The following PSENEN variants were observed in gnomAD, a reference collection of about 807,000 sequenced individuals.
The protein encoded by PSENEN is gamma-secretase subunit PEN-2.
In PSENEN, 4 loss-of-function variants were observed where a neutral mutation model predicts 15.4. That is an observed-to-expected ratio of 0.26 (90% CI 0.13 to 0.59). The LOEUF is 0.59. Ranked by LOEUF, PSENEN falls within the 20% of genes least tolerant of loss-of-function variation. The pLI is 0.89. For missense variants in PSENEN, 112 were observed against 120.3 expected (o/e 0.93, Z 0.32); for synonymous variants, 42 against 46.5 (o/e 0.90, Z 0.39).
rs1198645071 is a variant in PSENEN, at chr19:35,747,404, C to T, written c.*557C>T. Reference sequence around the variant, plus strand: ...GTATTCTCATCAGAAGTGTAGATCACGATGCTACTTCCTGGGATTTATCTG... The same window carrying T: ...GTATTCTCATCAGAAGTGTAGATCATGATGCTACTTCCTGGGATTTATCTG... On this transcript the variant is annotated 3_prime_UTR_variant, in exon 4 of 4. Coordinates refer to ENST00000587708, the MANE Select transcript of PSENEN (RefSeq NM_172341.4). 6.6e-6 allele frequency: 1 copy of T among 151,686 alleles called. No individual in the cohort carries two copies. Among genetic ancestry groups the T allele is most frequent in the Non-Finnish European group, 1.5e-5 (1 of 67,934 alleles). The allele number at this position is 151,686 out of a possible 1,614,324, so 9.4% of individuals were successfully genotyped here.
chr19:35,746,812 T>C lies in PSENEN; in HGVS notation c.271T>C (p.Tyr91His). The C allele has an allele frequency of 6.2e-7, 1 of 1,614,012 alleles. No individual in the cohort carries two copies. The highest frequency in any genetic ancestry group is 8.5e-7 in the Non-Finnish European group (1 of 1,179,960). The stretch of plus-strand genomic sequence containing the variant: ...GCCCCGCTGGGGTGCCCTTGGGGAC[T>C]ACCTCTCCTTCACCATACCCCTGGG... ...YRPRWGALGD[Y>H]LSFTIPLGTP The change falls in exon 4 of 4, where the codon TAC becomes CAC. Residue 91 changes from tyrosine to histidine, a missense_variant. Transcript: ENST00000587708.
chr19:35,746,039 G>C (rs746100064), intron 2 of PSENEN, 48 bp downstream of exon 2: 1 of 1,591,488 alleles, frequency 6.3e-7, no homozygotes, highest in South Asian at 1.1e-5. Flanking sequence ...GACTGGACTA[G>C]AGCACCCGAG....
chr19:35,747,100 G>C lies in PSENEN; in HGVS notation c.*253G>C. 2.4e-6 allele frequency: 1 copy of C among 424,088 alleles called. No individual in the cohort carries two copies. The highest frequency in any genetic ancestry group is 4.2e-6 in the Non-Finnish European group (1 of 239,152). 26.3% of individuals were successfully genotyped at this position (424,088 alleles called of 1,614,324 possible). On this transcript the variant is annotated 3_prime_UTR_variant, in exon 4 of 4. Transcript: ENST00000587708. ...AGCTTTGTACGAGGCTTAGTATTTA[G>C]ACATGATGTACATTTTTTACAGTGC...
rs1220150302 is a variant in PSENEN at position 35,745,967 on chromosome 19, A to G, written c.37A>G (p.Asn13Asp). The change falls in exon 2 of 4, where the codon AAC becomes GAC. Residue 13 changes from asparagine to aspartate, a missense_variant. By Grantham distance (23) the Asn-to-Asp change is conservative. Transcript: ENST00000587708. ...GCGAGTGTCCAATGAGGAGAAATTG[A>G]ACCTGTGCCGGAAGTACTACCTGGG... ...LERVSNEEKL[N>D]LCRKYYLGGF... is the part of the protein sequence containing the mutation. 1.2e-6 allele frequency: 2 copies of G among 1,614,110 alleles called. No homozygotes were observed. The highest frequency in any genetic ancestry group is 1.7e-6 in the Non-Finnish European group (2 of 1,180,028).
At chr19:35,746,603 G>A (rs1239271364) in intron 3 of PSENEN, 80 bp downstream of exon 3, 3 of 1,606,916 alleles carry the variant, frequency 1.9e-6, no homozygotes, top group Non-Finnish European at 2.6e-6. Context: ...AGGGACAATG[G>A]AGGATCCAAA....
In PSENEN at chr19:35,747,076, G is replaced by A; in HGVS notation, c.*229G>A. ...TAATATTTAAAAACATCTGTTGAGA[G>A]CTTTGTACGAGGCTTAGTATTTAGA... On this transcript the variant is annotated 3_prime_UTR_variant, in exon 4 of 4. Coordinates refer to ENST00000587708, the MANE Select transcript of PSENEN (RefSeq NM_172341.4). 1 of 500,808 alleles carries A rather than the reference G, an allele frequency of 2.0e-6. No homozygotes were observed. The highest frequency in any genetic ancestry group is 2.9e-5 in the South Asian group (1 of 34,554). The allele number at this position is 500,808 out of a possible 1,614,324, so 31.0% of individuals were successfully genotyped here.
Position 35,746,860 on chromosome 19 carries a change from A to G in PSENEN, c.*13A>G, listed in dbSNP as rs1970592117. 4 of 1,613,390 alleles carry G rather than the reference A, an allele frequency of 2.5e-6. No homozygotes were observed. The highest frequency in any genetic ancestry group is 3.4e-6 in the Non-Finnish European group (4 of 1,179,732). On this transcript the variant is annotated 3_prime_UTR_variant, in exon 4 of 4. Transcript: ENST00000587708. ...GGGCACCCCCTGACAACTTCTGCAC[A>G]TACTGGGGCCCTGCTTATTCTCCCA...
intron 3 of PSENEN, 51 bp downstream of exon 3, chr19:35,746,574 GC>G (rs1288829357): frequency 6.2e-7 from 1 of 1,601,124 alleles, no homozygotes; most frequent in Non-Finnish European, 8.6e-7. Flanking sequence ...AGAGGGGGAA[GC>G]GGGGAATCTT....
Position 35,745,937 on chromosome 19 carries a change from C to T in PSENEN, c.7C>T (p.Leu3=). The change falls in exon 2 of 4, where the codon CTG becomes TTG. Residue 3 remains leucine (L), a synonymous_variant. Transcript: ENST00000587708. The part of the protein sequence containing the change: MN[L]ERVSNEEKLN... ...ACCCGGCCCCAGCGCAGCTATGAACCTGGAGCGAGTGTCCAATGAGGAGAA... is the reference window on the plus strand; with the variant it reads ...ACCCGGCCCCAGCGCAGCTATGAACTTGGAGCGAGTGTCCAATGAGGAGAA... 6.2e-7 allele frequency: 1 copy of T among 1,614,124 alleles called. No individual in the cohort carries two copies. Among genetic ancestry groups the T allele is most frequent in the Non-Finnish European group, 8.5e-7 (1 of 1,180,022 alleles).
At chr19:35,746,393 G>T in intron 2 of PSENEN, 26 bp from the exon 3 acceptor site, 1 of 1,574,736 alleles carries the variant, frequency 6.4e-7, no homozygotes, top group Non-Finnish European at 8.7e-7. Flanking sequence ...TTTGGGGTTT[G>T]TTTGTTTGTT....
rs200976064 is a variant in PSENEN at position 35,745,685 on chromosome 19, G to C, written c.-112G>C. The stretch of plus-strand genomic sequence containing the variant: ...AGTAGCTAAGGCACCCCAGCCGGAG[G>C]AAGTGAGCTCTCCTGGTGAGTTGGG... On this transcript the variant is annotated 5_prime_UTR_variant, in exon 1 of 4. Coordinates refer to ENST00000587708, the MANE Select transcript of PSENEN (RefSeq NM_172341.4). 4 of 617,586 alleles carry C rather than the reference G, an allele frequency of 6.5e-6. No individual in the cohort carries two copies. Among genetic ancestry groups the C allele is most frequent in the Non-Finnish European group, 1.1e-5 (4 of 350,036 alleles). 38.3% of individuals were successfully genotyped at this position (617,586 alleles called of 1,614,324 possible).
rs1046667749 is a variant in PSENEN at position 35,747,394 on chromosome 19, G to A, written c.*547G>A. 1.2e-4 allele frequency: 19 copies of A among 152,078 alleles called. No homozygotes were observed. Among genetic ancestry groups the A allele is most frequent in the African/African-American group, 3.9e-4 (16 of 41,350 alleles). The allele number at this position is 152,078 out of a possible 1,614,324, so 9.4% of individuals were successfully genotyped here. On this transcript the variant is annotated 3_prime_UTR_variant, in exon 4 of 4. Coordinates refer to ENST00000587708, the MANE Select transcript of PSENEN (RefSeq NM_172341.4). ...GTGGGCTGCAGTATTCTCATCAGAAGTGTAGATCACGATGCTACTTCCTGG... is the reference window on the plus strand; with the variant it reads ...GTGGGCTGCAGTATTCTCATCAGAAATGTAGATCACGATGCTACTTCCTGG...
In PSENEN at chr19:35,747,226, CTTT is replaced by C. The variant is rs36096387; in HGVS notation, c.*395_*397del. On this transcript the variant is annotated 3_prime_UTR_variant, in exon 4 of 4. Transcript: ENST00000587708. ...GTGCTTCCATTTCTTTTTCTTTTTTCTTTTTTTTTTTTTTTTTTGAGACAGAGT... is the reference window on the plus strand; with the variant it reads ...GTGCTTCCATTTCTTTTTCTTTTTTCTTTTTTTTTTTTTTTGAGACAGAGT... 90 of 128,506 alleles carry C rather than the reference CTTT, an allele frequency of 7.0e-4. No homozygotes were observed. Among genetic ancestry groups the C allele is most frequent in the South Asian group, 4.0e-3 (18 of 4,490 alleles). 8.0% of individuals were successfully genotyped at this position (128,506 alleles called of 1,614,324 possible). A position where few individuals can be genotyped will look rare whatever the true frequency, so the allele number is the denominator to read the frequency against.
In PSENEN at chr19:35,747,493, A is replaced by G. The variant is rs1375983734; in HGVS notation, c.*646A>G. The G allele has an allele frequency of 6.6e-6, 1 of 152,182 alleles. No individual in the cohort carries two copies. The highest frequency in any genetic ancestry group is 1.5e-5 in the Non-Finnish European group (1 of 68,040). The allele number at this position is 152,182 out of a possible 1,614,324, so 9.4% of individuals were successfully genotyped here. A position where few individuals can be genotyped will look rare whatever the true frequency, so the allele number is the denominator to read the frequency against. On this transcript the variant is annotated 3_prime_UTR_variant, in exon 4 of 4. Coordinates refer to ENST00000587708, the MANE Select transcript of PSENEN (RefSeq NM_172341.4). Reference sequence around the variant, plus strand: ...GAAGGAAGTGTTGTCTGCAAAAATAAAAATAGTCAAGAGCTTTCTCAGAGA... The same window carrying G: ...GAAGGAAGTGTTGTCTGCAAAAATAGAAATAGTCAAGAGCTTTCTCAGAGA...
Position 35,747,165 on chromosome 19 carries a change from C to A in PSENEN, c.*318C>A. ...CTTCTGAACTAGGAACTTTCCTGCT[C>A]AGGAAACTATTAGATGAGAAACTAA... is the stretch of plus-strand genomic sequence containing the variant. On this transcript the variant is annotated 3_prime_UTR_variant, in exon 4 of 4. Coordinates refer to ENST00000587708, the MANE Select transcript of PSENEN (RefSeq NM_172341.4). 4.7e-6 allele frequency: 1 copy of A among 212,582 alleles called. No homozygotes were observed. The highest frequency in any genetic ancestry group is 1.3e-4 in the South Asian group (1 of 7,632). The allele number at this position is 212,582 out of a possible 1,614,324, so 13.2% of individuals were successfully genotyped here.
At position 35,745,799 on chromosome 19, in the gene PSENEN, C is replaced by A. The variant is rs200493573; in HGVS notation, c.-96-36C>A. 891 of 962,486 alleles carry A rather than the reference C, an allele frequency of 9.3e-4. 5 individuals are homozygous for A. The highest frequency in any genetic ancestry group is 5.8e-3 in the Middle Eastern group (28 of 4,824). The allele number at this position is 962,486 out of a possible 1,614,324, so 59.6% of individuals were successfully genotyped here. On this transcript the variant is annotated intron_variant, in intron 1 of 3. Transcript: ENST00000587708. ...GTGGGGATGCCCTGCTTTCAGCAAA[C>A]CGACCTTTACATTTATCTCTGATTT...
intron 2 of PSENEN, 75 bp downstream of exon 2, chr19:35,746,066 G>T: frequency 6.8e-7 from 1 of 1,460,748 alleles, no homozygotes; most frequent in Non-Finnish European, 9.6e-7. Flanking sequence ...GGGCCTCGGG[G>T]CCTGGATTCT....
rs1312002437 is a variant in PSENEN at position 35,745,818 on chromosome 19, C to T, written c.-96-17C>T. 2.8e-6 allele frequency: 3 copies of T among 1,088,974 alleles called. No homozygotes were observed. Among genetic ancestry groups the T allele is most frequent in the Non-Finnish European group, 4.3e-6 (3 of 705,602 alleles). The allele number at this position is 1,088,974 out of a possible 1,614,324, so 67.5% of individuals were successfully genotyped here. ...AGCAAACCGACCTTTACATTTATCT[C>T]TGATTTGTTCTAATAGGGGCGTGGT... On this transcript the variant is annotated splice_polypyrimidine_tract_variant and intron_variant, in intron 1 of 3. Coordinates refer to ENST00000587708, the MANE Select transcript of PSENEN (RefSeq NM_172341.4).
intron 1 of PSENEN, 26 bp from the exon 2 acceptor site, chr19:35,745,809 C>T (rs1970549891): frequency 1.9e-6 from 2 of 1,040,260 alleles, no homozygotes. Flanking sequence ...CCGACCTTTA[C>T]ATTTATCTCT....
Sources: allele counts gnomAD v4.1 joint callset, GRCh38; gene constraint gnomAD v4.1.1; transcripts MANE v1.5; gene names NCBI Gene and HGNC (gene_info 2026-07-23, HGNC 2026-07-21).